NSUN6: variants seen among roughly 807,000 people sequenced by gnomAD.
NSUN6 encodes tRNA (cytosine(72)-C(5))-methyltransferase NSUN6.
In NSUN6, 64 loss-of-function variants were observed where a neutral mutation model predicts 58.0. The observed-to-expected ratio is 1.10, with a 90% CI of 0.90 to 1.36. The LOEUF is 1.36. Ranked by LOEUF, NSUN6 falls within the 40% of genes most tolerant of loss-of-function variation. The pLI is 0.00. For missense variants in NSUN6, 701 were observed against 550.1 expected (o/e 1.27, Z -2.74); for synonymous variants, 231 against 193.9 (o/e 1.19, Z -1.59).
At position 18,651,461 on chromosome 10, in the gene NSUN6, G is replaced by A. The variant is rs1286629912; in HGVS notation, c.-258C>T. ...TAGAGATGCTCATGGAAATCACTGA[G>A]CCAATGCCACTCACGTTGCAAAGAA... On this transcript the variant is annotated 5_prime_UTR_variant, in exon 1 of 11. Transcript: ENST00000377304. 4 of 1,179,514 alleles carry A rather than the reference G, an allele frequency of 3.4e-6. No individual in the cohort carries two copies. In the South Asian group the frequency reaches 1.4e-4, roughly 43 times the overall value. The allele number at this position is 1,179,514 out of a possible 1,614,324, so 73.1% of individuals were successfully genotyped here. A position where few individuals can be genotyped will look rare whatever the true frequency, so the allele number is the denominator to read the frequency against.
rs148294972 is a variant in NSUN6, at chr10:18,554,068, T to A, written c.923-2097A>T. On this transcript the variant is annotated intron_variant, in intron 8 of 10. Coordinates refer to ENST00000377304, the MANE Select transcript of NSUN6 (RefSeq NM_182543.5). ...ATGGAGAATGGAATGGAATGGAGAATAGAATGCAATGGAATGGAGACTGGA... is the reference window on the plus strand; with the variant it reads ...ATGGAGAATGGAATGGAATGGAGAAAAGAATGCAATGGAATGGAGACTGGA... 8.4e-4 allele frequency among the ~76,000 whole-genome samples: 125 copies of A among 148,992 alleles called. 2 individuals carry two copies. Among genetic ancestry groups the A allele is most frequent in the African/African-American group, 2.9e-3 (117 of 40,434 alleles).
At chr10:18,604,137 G>A (rs1255418516) in intron 6 of NSUN6, among the ~76,000 whole-genome samples, 8 of 152,132 alleles carry the variant, frequency 5.3e-5, no homozygotes, top group Admixed American at 2.0e-4. Context: ...AGCTGAGATC[G>A]TGCCGCTGCA....
At chr10:18,655,332 T>TA (rs148605083), upstream of NSUN6, 5,476 of 154,790 alleles carry the variant, frequency 0.035, 143 homozygotes, top group Middle Eastern at 0.07. Flanking sequence ...AGTCAAGTAT[T>TA]AAAGTTCTTT....
upstream of NSUN6, chr10:18,651,779 G>A: frequency 1.0e-6 from 1 of 985,406 alleles, no homozygotes; most frequent in Non-Finnish European, 1.2e-6. Context: ...ACCTGCCTCA[G>A]GTTAAGTAGG....
intron 3 of NSUN6, among the ~76,000 whole-genome samples, chr10:18,624,635 G>C (rs1319739202): frequency 2.0e-5 from 2 of 100,780 alleles, no homozygotes; most frequent in African/African-American, 8.2e-5. Flanking sequence ...GAGACAGAGC[G>C]AGACTCTGTC....
At chr10:18,610,447 T>C (rs2058192584) in intron 5 of NSUN6, among the ~76,000 whole-genome samples, 1 of 152,214 alleles carries the variant, frequency 6.6e-6, no homozygotes, top group Non-Finnish European at 1.5e-5. Context: ...CCATCAGAAC[T>C]AAAAAGGAAA....
intron 3 of NSUN6, among the ~76,000 whole-genome samples, chr10:18,630,592 A>G (rs1452285886): frequency 1.3e-5 from 2 of 152,256 alleles, no homozygotes; most frequent in African/African-American, 4.8e-5. Flanking sequence ...AATCCCACAG[A>G]AATACAAACT....
intron 8 of NSUN6, among the ~76,000 whole-genome samples, chr10:18,557,015 G>C (rs1378064049): frequency 6.6e-6 from 1 of 150,618 alleles, no homozygotes; most frequent in East Asian, 2.0e-4. Flanking sequence ...GAATAGAATA[G>C]ATAGTGGAAT....
At chr10:18,632,614 T>G (rs1172342172) in intron 3 of NSUN6, among the ~76,000 whole-genome samples, 1 of 152,028 alleles carries the variant, frequency 6.6e-6, no homozygotes, top group Non-Finnish European at 1.5e-5. Flanking sequence ...CAGACACTTC[T>G]CAAAAGAAGA....
At chr10:18,635,613 G>A (rs1336821075) in intron 3 of NSUN6, among the ~76,000 whole-genome samples, 12 of 152,038 alleles carry the variant, frequency 7.9e-5, no homozygotes, top group Admixed American at 1.3e-4. Context: ...AAGGTGGGTG[G>A]ATCACCTGAG....
intron 8 of NSUN6, among the ~76,000 whole-genome samples, chr10:18,580,607 G>C (rs1206523365): frequency 6.6e-6 from 1 of 152,126 alleles, no homozygotes; most frequent in Non-Finnish European, 1.5e-5. Context: ...CCTCACCCAA[G>C]AGCCAAGTGA....
intron 4 of NSUN6, 43 bp downstream of exon 4, chr10:18,616,141 A>C (rs758263479): frequency 5.4e-6 from 6 of 1,110,886 alleles, no homozygotes; most frequent in Middle Eastern, 2.0e-4. Context: ...AATGCACATA[A>C]ATTTTAGAGA....
chr10:18,658,532 C>T, upstream of NSUN6: 1 of 211,814 alleles, frequency 4.7e-6, no homozygotes, highest in Non-Finnish European at 8.2e-6. Context: ...AACAATTACA[C>T]AGCGAATTGG....
chr10:18,568,815 T>C (rs1056231897), intron 8 of NSUN6, among the ~76,000 whole-genome samples: 2 of 149,330 alleles, frequency 1.3e-5, no homozygotes, highest in Non-Finnish European at 3.0e-5. Context: ...TTCCATTCCG[T>C]TCTCCATTCC....
In NSUN6 at chr10:18,548,125, T is replaced by C; in HGVS notation, c.1184A>G (p.Gln395Arg). The C allele has an allele frequency of 6.2e-7, 1 of 1,613,904 alleles. No individual in the cohort carries two copies. The highest frequency in any genetic ancestry group is 8.5e-7 in the Non-Finnish European group (1 of 1,179,898). The stretch of plus-strand genomic sequence containing the variant: ...AATTACTCCTACCTGGGGCTGAAGC[T>C]GAAGGCAAGGAAATTTTGTCAGGGC... ...AWALTKFPCL[Q>R]LQPQEPQIGG... The change falls in exon 10 of 11, where the codon CAG becomes CGG. Residue 395 changes from glutamine (Q) to arginine (R), a missense_variant. Physicochemically the swap from Gln to Arg is conservative, Grantham distance 43. Transcript: ENST00000377304.
intron 5 of NSUN6, among the ~76,000 whole-genome samples, chr10:18,610,904 G>C (rs1188382793): frequency 6.6e-6 from 1 of 152,122 alleles, no homozygotes; most frequent in Non-Finnish European, 1.5e-5. Flanking sequence ...TAAAAGGGAA[G>C]TATAAAAATC....
intron 7 of NSUN6, among the ~76,000 whole-genome samples, chr10:18,595,260 T>C (rs1398550845): frequency 6.6e-6 from 1 of 152,192 alleles, no homozygotes; most frequent in Non-Finnish European, 1.5e-5. Context: ...CAAAATTTTG[T>C]GTCTTCACAC....
intron 8 of NSUN6, among the ~76,000 whole-genome samples, chr10:18,573,464 CCATTCTCCATTCCATTG>C (rs754914931): frequency 4.0e-5 from 6 of 151,792 alleles, no homozygotes; most frequent in Non-Finnish European, 8.8e-5. Flanking sequence ...ATATTCCATT[CCATTCTCCATTCCATTG>C]CATTCTCCAT....
upstream of NSUN6, among the ~76,000 whole-genome samples, chr10:18,657,975 A>G (rs1207624352): frequency 1.3e-5 from 1 of 78,062 alleles, no homozygotes; most frequent in East Asian, 9.5e-4. Context: ...TAGAAATCCG[A>G]AAGCCAGAAA....
Sources: gnomAD v4.1 joint callset for allele counts (sites outside exome capture counted in the v4.1 genomes callset) on GRCh38, gnomAD v4.1.1 for gene constraint, MANE v1.5 for transcripts, NCBI Gene and HGNC (gene_info 2026-07-23, HGNC 2026-07-21) for gene names.